The following NRXN3 variants were observed in gnomAD, a reference collection of about 807,000 sequenced individuals.
NRXN3 encodes neurexin 3.
In NRXN3, 32 loss-of-function variants were observed where a neutral mutation model predicts 137.6. The observed-to-expected ratio is 0.23, with a 90% confidence interval of 0.18 to 0.31. The LOEUF is 0.31. Among genes scored for constraint, NRXN3 ranks in the 10% least tolerant of loss-of-function variants. The pLI is 1.00. For synonymous variants in NRXN3, 798 were observed against 784.5 expected, an observed-to-expected ratio of 1.02 and a Z score of -0.29; for missense variants, 1,574 against 2,062.5, an observed-to-expected ratio of 0.76 and a Z score of 4.59.
chr14:79,807,362 A>G (rs543578358), intron 20 of NRXN3, among the ~76,000 whole-genome samples: 8 of 152,106 alleles, frequency 5.3e-5, no homozygotes, highest in African/African-American at 1.4e-4. Context: ...TCTTTCCTCA[A>G]CTACTCACCC....
chr14:78,305,142 C>G (rs1321886105), intron 4 of NRXN3, among the ~76,000 whole-genome samples: 2 of 152,146 alleles, frequency 1.3e-5, no homozygotes, highest in African/African-American at 4.8e-5. Context: ...CTACCCTTGG[C>G]ACTACCTTCG....
chr14:78,403,642 G>A (rs1173038476), intron 4 of NRXN3: 2 of 864,118 alleles, frequency 2.3e-6, no homozygotes, highest in African/African-American at 3.7e-5. Flanking sequence ...AAGATTTGAA[G>A]GGTGAGAGAG....
At chr14:78,787,450 C>A (rs2098792445) in intron 8 of NRXN3, among the ~76,000 whole-genome samples, 1 of 152,108 alleles carries the variant, frequency 6.6e-6, no homozygotes. Context: ...TTTCCAAAAT[C>A]AGCTCAATGA....
chr14:79,436,679 C>T (rs1038624458), intron 15 of NRXN3, among the ~76,000 whole-genome samples: 1 of 152,142 alleles, frequency 6.6e-6, no homozygotes, highest in Non-Finnish European at 1.5e-5. Context: ...ATTGGGCAGG[C>T]AGCATCCTAG....
intron 6 of NRXN3, among the ~76,000 whole-genome samples, chr14:78,677,707 C>T (rs1004519501): frequency 5.3e-5 from 8 of 152,160 alleles, no homozygotes; most frequent in Non-Finnish European, 1.0e-4. Flanking sequence ...TGCTGTCAAA[C>T]AGCATTACAT....
chr14:78,674,082 C>G (rs1307140565), intron 6 of NRXN3, among the ~76,000 whole-genome samples: 1 of 152,132 alleles, frequency 6.6e-6, no homozygotes, highest in Non-Finnish European at 1.5e-5. Context: ...GGTTTGCAGA[C>G]CGAACTGCCT....
intron 16 of NRXN3, among the ~76,000 whole-genome samples, chr14:79,615,859 A>AAG (rs2098149010): frequency 1.3e-5 from 2 of 152,180 alleles, no homozygotes; most frequent in Non-Finnish European, 2.9e-5. Context: ...GACACAGCCA[A>AAG]ATCATATCAA....
At chr14:78,573,274 T>C (rs960055868) in intron 4 of NRXN3, among the ~76,000 whole-genome samples, 1 of 151,326 alleles carries the variant, frequency 6.6e-6, no homozygotes, top group Admixed American at 6.6e-5. Context: ...CCACAGAGAG[T>C]AGAGTTCTGC....
Position 79,042,689 on chromosome 14 carries a change from C to T in NRXN3, c.3262+54548C>T, listed in dbSNP as rs531058323. ...GAATATCCTTTTCATTCTTTATGAT[C>T]CTTAATGCTGATTTGAAAATTAGAA... On this transcript the variant is annotated intron_variant, in intron 15 of 20. Transcript: ENST00000335750. 2.7e-3 allele frequency among the ~76,000 whole-genome samples: 409 copies of T among 152,170 alleles called. 2 individuals carry two copies. The highest frequency in any genetic ancestry group is 9.2e-3 in the African/African-American group (383 of 41,506).
intron 4 of NRXN3, among the ~76,000 whole-genome samples, chr14:78,349,293 C>T (rs905684595): frequency 6.6e-6 from 1 of 152,158 alleles, no homozygotes; most frequent in Non-Finnish European, 1.5e-5. Flanking sequence ...CCAATGTTAC[C>T]CCTTTTTCTC....
chr14:79,761,625 G>T (rs556081830), intron 19 of NRXN3, among the ~76,000 whole-genome samples: 1 of 147,620 alleles, frequency 6.8e-6, no homozygotes, highest in African/African-American at 2.6e-5. Flanking sequence ...CCCGGGAGGC[G>T]GAGCTTGCCA....
chr14:79,280,158 A>G, intron 15 of NRXN3: 2 of 1,502,810 alleles, frequency 1.3e-6, no homozygotes, highest in Non-Finnish European at 1.8e-6. Flanking sequence ...TGGAAAGCGC[A>G]TATTGCTTCC....
intron 15 of NRXN3, among the ~76,000 whole-genome samples, chr14:79,378,336 C>G (rs2094365973): frequency 6.6e-6 from 1 of 152,112 alleles, no homozygotes. Flanking sequence ...AGAGAGAAAC[C>G]CTGAGCCCTG....
intron 19 of NRXN3, among the ~76,000 whole-genome samples, chr14:79,718,737 C>G (rs2098832053): frequency 6.6e-6 from 1 of 152,192 alleles, no homozygotes; most frequent in Non-Finnish European, 1.5e-5. Context: ...AAATCTTATG[C>G]TTAAGTCCAG....
intron 15 of NRXN3, among the ~76,000 whole-genome samples, chr14:79,232,544 T>G (rs1200031848): frequency 6.6e-6 from 1 of 152,170 alleles, no homozygotes; most frequent in Admixed American, 6.5e-5. Flanking sequence ...CTTCTTAATA[T>G]TAGAGTACCA....
intron 4 of NRXN3, among the ~76,000 whole-genome samples, chr14:78,553,393 C>G (rs1282499961): frequency 6.6e-6 from 1 of 152,112 alleles, no homozygotes; most frequent in Admixed American, 6.5e-5. Context: ...GTTGGTGAAC[C>G]CTGCTACAGT....
At chr14:79,552,413 A>C (rs554461344) in intron 16 of NRXN3, among the ~76,000 whole-genome samples, 1 of 152,264 alleles carries the variant, frequency 6.6e-6, no homozygotes, top group East Asian at 1.9e-4. Flanking sequence ...GCTTTATTTT[A>C]TTTCTGTAAA....
At chr14:79,622,654 T>G (rs1162708499) in intron 16 of NRXN3, among the ~76,000 whole-genome samples, 1 of 152,142 alleles carries the variant, frequency 6.6e-6, no homozygotes, top group African/African-American at 2.4e-5. Flanking sequence ...TGGAGTGTAA[T>G]GGCGCAATCT....
intron 10 of NRXN3, among the ~76,000 whole-genome samples, chr14:78,890,897 G>A (rs2099156979): frequency 6.6e-6 from 1 of 151,928 alleles, no homozygotes; most frequent in African/African-American, 2.4e-5. Context: ...AATAACAGAA[G>A]CCACTGAAGC....
Sources: allele counts gnomAD v4.1 joint callset (sites outside exome capture counted in the v4.1 genomes callset), GRCh38; gene constraint gnomAD v4.1.1; transcripts MANE v1.5; gene names NCBI Gene and HGNC (gene_info 2026-07-23, HGNC 2026-07-21).